Variants in IQCM observed in about 807,000 individuals in gnomAD.
The protein encoded by IQCM is IQ domain-containing protein M.
A neutral mutation model predicts 57.6 loss-of-function variants in IQCM; 45 were observed. The ratio of observed to expected loss-of-function variants is 0.78; its 90% CI spans 0.62 to 1.00. The LOEUF (loss-of-function observed/expected upper bound fraction) is 1.00. Ranked by LOEUF, IQCM falls within the 50% of genes least tolerant of loss-of-function variation. The probability of loss-of-function intolerance (pLI) is 0.00; values close to 1 mark genes in which losing one functional copy is unlikely to be tolerated. For missense variants in IQCM, 468 were observed against 511.6 expected (o/e 0.91, Z 0.82); for synonymous variants, 148 against 158.9 (o/e 0.93, Z 0.51).
chr4:149,763,121 T>C (rs561214121), intron 2 of IQCM, among the ~76,000 whole-genome samples: 3 of 152,166 alleles, frequency 2.0e-5, no homozygotes, highest in African/African-American at 4.8e-5. Flanking sequence ...GAAAATATTA[T>C]GGCTTTGTAT....
chr4:149,510,424 C>A (rs1237603768), intron 12 of IQCM, among the ~76,000 whole-genome samples: 1 of 152,010 alleles, frequency 6.6e-6, no homozygotes, highest in Non-Finnish European at 1.5e-5. Flanking sequence ...CATGTCATAG[C>A]CATACACTGT....
chr4:149,550,679 T>G (rs1748943592), intron 11 of IQCM, among the ~76,000 whole-genome samples: 1 of 152,268 alleles, frequency 6.6e-6, no homozygotes, highest in South Asian at 2.1e-4. Context: ...TTAATGAAAT[T>G]TTCTGATCAT....
At chr4:149,452,923 T>G (rs1737284984) in intron 12 of IQCM, among the ~76,000 whole-genome samples, 1 of 151,040 alleles carries the variant, frequency 6.6e-6, no homozygotes, top group Admixed American at 6.6e-5. Flanking sequence ...ACAAATAGGA[T>G]ATATTGCATG....
intron 7 of IQCM, among the ~76,000 whole-genome samples, chr4:149,662,069 G>C (rs1760270802): frequency 6.6e-6 from 1 of 151,700 alleles, no homozygotes; most frequent in Non-Finnish European, 1.5e-5. Flanking sequence ...TTTTGATGTA[G>C]GCATTTATTG....
At chr4:149,616,455 G>A (rs1755796515) in intron 8 of IQCM, among the ~76,000 whole-genome samples, 1 of 152,048 alleles carries the variant, frequency 6.6e-6, no homozygotes. Context: ...GACAATTAGT[G>A]TTTACTATGT....
At chr4:149,793,414 C>T (rs1772821038) in intron 2 of IQCM, among the ~76,000 whole-genome samples, 1 of 152,168 alleles carries the variant, frequency 6.6e-6, no homozygotes. Context: ...CCTAGTGCCT[C>T]TCTCTTCTAA....
chr4:149,689,544 A>C (rs1762796474), intron 5 of IQCM, among the ~76,000 whole-genome samples: 1 of 152,052 alleles, frequency 6.6e-6, no homozygotes, highest in Admixed American at 6.6e-5. Flanking sequence ...AAAGTATAAT[A>C]ATAAAAAATA....
At chr4:149,472,584 C>A (rs1020324068) in intron 12 of IQCM, among the ~76,000 whole-genome samples, 3 of 152,146 alleles carry the variant, frequency 2.0e-5, no homozygotes, top group African/African-American at 7.2e-5. Flanking sequence ...CTCCATCAAG[C>A]TACCAATGAC....
chr4:149,467,987 TAGAA>T (rs1022205033), intron 12 of IQCM, among the ~76,000 whole-genome samples: 3 of 152,102 alleles, frequency 2.0e-5, no homozygotes, highest in African/African-American at 7.2e-5. Flanking sequence ...TATTGCATGT[TAGAA>T]AGCAGTAAAT....
At chr4:149,546,073 G>T (rs1253660900) in intron 12 of IQCM, among the ~76,000 whole-genome samples, 2 of 152,066 alleles carry the variant, frequency 1.3e-5, no homozygotes, top group East Asian at 3.9e-4. Flanking sequence ...GCGGTGTTTG[G>T]TTTTTTGTCC....
At chr4:149,423,355 C>T (rs763943795) in intron 13 of IQCM, among the ~76,000 whole-genome samples, 1 of 151,952 alleles carries the variant, frequency 6.6e-6, no homozygotes, top group Non-Finnish European at 1.5e-5. Flanking sequence ...GGGAAACCTC[C>T]GTGATGATCC....
chr4:149,494,581 AATT>A (rs1742453194), intron 12 of IQCM, among the ~76,000 whole-genome samples: 1 of 152,120 alleles, frequency 6.6e-6, no homozygotes, highest in African/African-American at 2.4e-5. Flanking sequence ...AACAGAAAGA[AATT>A]ATAATACCTC....
intron 12 of IQCM, among the ~76,000 whole-genome samples, chr4:149,468,949 C>T (rs1340968933): frequency 2.0e-5 from 3 of 152,094 alleles, no homozygotes; most frequent in Non-Finnish European, 2.9e-5. Flanking sequence ...ACAGAAAGGA[C>T]ATCCACACCA....
At chr4:149,482,382 T>A (rs1412121273) in intron 12 of IQCM, among the ~76,000 whole-genome samples, 1 of 151,998 alleles carries the variant, frequency 6.6e-6, no homozygotes, top group Non-Finnish European at 1.5e-5. Context: ...GGGTTTCAGG[T>A]TTTCCCCTTT....
At chr4:149,454,343 T>C (rs1737456275) in intron 12 of IQCM, among the ~76,000 whole-genome samples, 1 of 151,738 alleles carries the variant, frequency 6.6e-6, no homozygotes, top group South Asian at 2.1e-4. Context: ...TGGGGGCCAT[T>C]ATCCTAAGCG....
intron 12 of IQCM, among the ~76,000 whole-genome samples, chr4:149,464,817 T>C (rs1427655705): frequency 2.0e-5 from 3 of 152,154 alleles, no homozygotes; most frequent in Non-Finnish European, 4.4e-5. Context: ...ATGGCTAATG[T>C]GACTAAAGGA....
chr4:149,504,578 A>T (rs1345062054), intron 12 of IQCM, among the ~76,000 whole-genome samples: 1 of 152,058 alleles, frequency 6.6e-6, no homozygotes, highest in Non-Finnish European at 1.5e-5. Flanking sequence ...GTGACTAGGT[A>T]ATAAAGGCAG....
chr4:149,635,474 T>C (rs1432354629), intron 7 of IQCM, among the ~76,000 whole-genome samples: 1 of 152,214 alleles, frequency 6.6e-6, no homozygotes, highest in African/African-American at 2.4e-5. Context: ...TGTCAATTAT[T>C]TCTATGTATA....
chr4:149,659,334 TACAA>T lies in IQCM; in HGVS notation c.565+22780_565+22783del, dbSNP rs1473558461. On this transcript the variant is annotated intron_variant, in intron 7 of 13. Transcript: ENST00000636793. ...CACCGCTCAATGAAATAAAAGAGGATACAAACAAATGGAAGAACATTCCATACTC... is the reference window on the plus strand; with the variant it reads ...CACCGCTCAATGAAATAAAAGAGGATACAAATGGAAGAACATTCCATACTC... Among the ~76,000 whole-genome samples, 5 of 152,026 alleles carry T rather than the reference TACAA, an allele frequency of 3.3e-5. No individual in the cohort carries two copies. The East Asian group carries it at 7.7e-4, about 24-fold the overall frequency.
Sources: gnomAD v4.1 joint callset for allele counts (sites outside exome capture counted in the v4.1 genomes callset) on GRCh38, gnomAD v4.1.1 for gene constraint, MANE v1.5 for transcripts, NCBI Gene and HGNC (gene_info 2026-07-23, HGNC 2026-07-21) for gene names.